The following KCNIP1 variants were observed in gnomAD, a reference collection of about 807,000 sequenced individuals.
The protein encoded by KCNIP1 is potassium voltage-gated channel interacting protein 1, also known as A-type potassium channel modulatory protein KCNIP1.
KCNIP1 carries 18 observed loss-of-function variants against 33.0 expected under a neutral mutation model. That is an observed-to-expected ratio of 0.55 (90% CI 0.38 to 0.81). KCNIP1 has a LOEUF of 0.81. Among genes scored for constraint, KCNIP1 ranks in the 30% least tolerant of loss-of-function variants. The pLI is 0.00. For synonymous variants in KCNIP1, 93 were observed against 98.3 expected, an observed-to-expected ratio of 0.95 and a Z score of 0.32; for missense variants, 238 against 271.6, an observed-to-expected ratio of 0.88 and a Z score of 0.87.
At chr5:170,459,404 C>T (rs1039446901) in intron 1 of KCNIP1, among the ~76,000 whole-genome samples, 2 of 152,136 alleles carry the variant, frequency 1.3e-5, no homozygotes, top group African/African-American at 4.8e-5. Context: ...TATTCAACTG[C>T]ATATGGAACT....
intron 1 of KCNIP1, among the ~76,000 whole-genome samples, chr5:170,677,041 C>T (rs185419046): frequency 4.6e-5 from 7 of 152,326 alleles, no homozygotes; most frequent in Admixed American, 2.6e-4. Context: ...GATCTCCAGA[C>T]TATACGTACT....
At chr5:170,490,612 G>A (rs574498004) in intron 1 of KCNIP1, among the ~76,000 whole-genome samples, 1 of 152,186 alleles carries the variant, frequency 6.6e-6, no homozygotes, top group South Asian at 2.1e-4. Context: ...GGTGAAGGGT[G>A]CAAGGGCCTC....
At chr5:170,367,829 T>C (rs1763734364) in intron 1 of KCNIP1, among the ~76,000 whole-genome samples, 1 of 152,184 alleles carries the variant, frequency 6.6e-6, no homozygotes, top group Non-Finnish European at 1.5e-5. Flanking sequence ...AGATGGCCCA[T>C]CTAACCCATT....
At chr5:170,509,657 CATGA>C (rs1051936948) in intron 1 of KCNIP1, among the ~76,000 whole-genome samples, 8 of 152,158 alleles carry the variant, frequency 5.3e-5, no homozygotes, top group Non-Finnish European at 7.4e-5. Context: ...TAAATGACCA[CATGA>C]ATGAATGAAT....
At chr5:170,365,197 T>G (rs954092119) in intron 1 of KCNIP1, among the ~76,000 whole-genome samples, 1 of 152,154 alleles carries the variant, frequency 6.6e-6, no homozygotes, top group African/African-American at 2.4e-5. Flanking sequence ...ATGAGGAACC[T>G]GAGGCCTGGG....
intron 1 of KCNIP1, among the ~76,000 whole-genome samples, chr5:170,381,873 G>A (rs1764255000): frequency 6.6e-6 from 1 of 152,236 alleles, no homozygotes; most frequent in African/African-American, 2.4e-5. Flanking sequence ...CAGGGGTCAT[G>A]GGTAGGAGCT....
intron 1 of KCNIP1, among the ~76,000 whole-genome samples, chr5:170,579,447 C>T (rs1757716887): frequency 6.6e-6 from 1 of 152,166 alleles, no homozygotes; most frequent in Admixed American, 6.5e-5. Context: ...ACAGGCAGGC[C>T]AGAAGAATGG....
intron 1 of KCNIP1, among the ~76,000 whole-genome samples, chr5:170,454,978 A>T (rs983190914): frequency 6.6e-6 from 1 of 152,244 alleles, no homozygotes; most frequent in African/African-American, 2.4e-5. Flanking sequence ...AGAAAGGGAC[A>T]TTTTATAATA....
At chr5:170,643,186 G>T (rs1041192770) in intron 1 of KCNIP1, among the ~76,000 whole-genome samples, 1 of 152,238 alleles carries the variant, frequency 6.6e-6, no homozygotes, top group Non-Finnish European at 1.5e-5. Flanking sequence ...CCTGGAAGGG[G>T]CCATGAGCCA....
At chr5:170,714,406 A>G (rs1156607553) in intron 1 of KCNIP1, among the ~76,000 whole-genome samples, 3 of 152,262 alleles carry the variant, frequency 2.0e-5, no homozygotes, top group Non-Finnish European at 4.4e-5. Flanking sequence ...GGACTCAGAC[A>G]AAGCCAGTTA....
chr5:170,731,724 G>T (rs1432810899), intron 5 of KCNIP1, among the ~76,000 whole-genome samples: 2 of 141,908 alleles, frequency 1.4e-5, no homozygotes, highest in African/African-American at 5.0e-5. Context: ...AAGAAAAAAA[G>T]AATGAGAAAC....
chr5:170,580,568 G>A (rs774088271), intron 1 of KCNIP1, among the ~76,000 whole-genome samples: 9 of 152,088 alleles, frequency 5.9e-5, no homozygotes, highest in African/African-American at 1.7e-4. Flanking sequence ...GACCATACCC[G>A]GATGGTCATG....
intron 1 of KCNIP1, among the ~76,000 whole-genome samples, chr5:170,686,192 G>A (rs1021774169): frequency 2.0e-5 from 3 of 152,144 alleles, no homozygotes; most frequent in African/African-American, 7.2e-5. Flanking sequence ...GTCTATTAGA[G>A]GAATGAAATG....
At chr5:170,640,349 G>A (rs1312395017) in intron 1 of KCNIP1, among the ~76,000 whole-genome samples, 1 of 152,158 alleles carries the variant, frequency 6.6e-6, no homozygotes, top group Non-Finnish European at 1.5e-5. Context: ...GTTCAACCCA[G>A]CCCCGTGCTA....
chr5:170,651,341 G>T (rs1002185524), intron 1 of KCNIP1, among the ~76,000 whole-genome samples: 8 of 152,146 alleles, frequency 5.3e-5, no homozygotes, highest in African/African-American at 1.9e-4. Context: ...TCAGGGGAAG[G>T]CAGGTGGGTT....
upstream of KCNIP1, among the ~76,000 whole-genome samples, chr5:170,501,787 A>G (rs1437023270): frequency 6.6e-6 from 1 of 152,224 alleles, no homozygotes; most frequent in East Asian, 1.9e-4. Context: ...TCCTCAGCAA[A>G]GAGCTCTCCT....
intron 1 of KCNIP1, among the ~76,000 whole-genome samples, chr5:170,691,528 C>A (rs1464321171): frequency 6.6e-6 from 1 of 152,158 alleles, no homozygotes; most frequent in East Asian, 1.9e-4. Flanking sequence ...TATAACCCAC[C>A]TTGCAGGATA....
intron 1 of KCNIP1, among the ~76,000 whole-genome samples, chr5:170,584,030 G>A (rs1339097988): frequency 6.6e-6 from 1 of 152,156 alleles, no homozygotes; most frequent in Admixed American, 6.5e-5. Context: ...CACTGGATGG[G>A]GCTGGAACCC....
chr5:170,398,957 G>C (rs914452906), intron 1 of KCNIP1, among the ~76,000 whole-genome samples: 37 of 152,302 alleles, frequency 2.4e-4, no homozygotes, highest in African/African-American at 8.9e-4. Flanking sequence ...AATAATTCAA[G>C]GAGAGTCACA....
Sources: allele counts gnomAD v4.1 joint callset (sites outside exome capture counted in the v4.1 genomes callset), GRCh38; gene constraint gnomAD v4.1.1; transcripts MANE v1.5; gene names NCBI Gene and HGNC (gene_info 2026-07-23, HGNC 2026-07-21).